The following PCDHA7 variants were observed in gnomAD, a reference collection of about 807,000 sequenced individuals.
The protein encoded by PCDHA7 is protocadherin alpha 7, also known as protocadherin alpha-7.
Under a neutral mutation model 57.2 loss-of-function variants are expected in PCDHA7, and 37 were observed. The observed-to-expected ratio is 0.65, with a 90% confidence interval of 0.50 to 0.85. PCDHA7 has a LOEUF of 0.85. Among genes scored for constraint, PCDHA7 ranks in the 40% least tolerant of loss-of-function variants. PCDHA7 has a pLI of 0.00. For missense variants in PCDHA7, 1,188 were observed against 1,241.8 expected, an observed-to-expected ratio of 0.96 and a Z score of 0.65; for synonymous variants, 553 against 558.8, an observed-to-expected ratio of 0.99 and a Z score of 0.15.
chr5:140,872,332 T>G (rs2053600467), intron 1 of PCDHA7, among the ~76,000 whole-genome samples: 1 of 152,172 alleles, frequency 6.6e-6, no homozygotes, highest in African/African-American at 2.4e-5. Context: ...ATGACTAAAA[T>G]TCTACATGTT....
chr5:140,981,042 C>A (rs782145088), intron 2 of PCDHA7, among the ~76,000 whole-genome samples: 22 of 151,970 alleles, frequency 1.4e-4, no homozygotes, highest in Non-Finnish European at 2.9e-4. Flanking sequence ...GGAAAAAAAA[C>A]AGATAATTCT....
At chr5:140,988,182 G>A (rs191995725) in intron 3 of PCDHA7, among the ~76,000 whole-genome samples, 79 of 152,240 alleles carry the variant, frequency 5.2e-4, no homozygotes, top group African/African-American at 1.5e-3. Flanking sequence ...ACAGTCCTGG[G>A]AGGTGTGTGC....
At chr5:140,880,643 A>G (rs937655917) in intron 1 of PCDHA7, among the ~76,000 whole-genome samples, 1 of 152,198 alleles carries the variant, frequency 6.6e-6, no homozygotes, top group African/African-American at 2.4e-5. Context: ...TTCACTTGAG[A>G]GCCCAACTGA....
chr5:140,865,458 GA>G (rs1462092731), intron 1 of PCDHA7: 4 of 152,192 alleles, frequency 2.6e-5, no homozygotes, highest in African/African-American at 9.6e-5. Flanking sequence ...TGATTTCTAT[GA>G]AGATAAACAT....
intron 1 of PCDHA7, chr5:140,843,642 C>G (rs1352929745): frequency 1.9e-6 from 3 of 1,595,362 alleles, no homozygotes; most frequent in Non-Finnish European, 2.6e-6. Context: ...GCCTTCAGCC[C>G]CTGCCTTCCT....
At chr5:140,938,727 G>GA (rs2092176789) in intron 1 of PCDHA7, among the ~76,000 whole-genome samples, 1 of 151,904 alleles carries the variant, frequency 6.6e-6, no homozygotes, top group South Asian at 2.1e-4. Flanking sequence ...CGTTTCTACA[G>GA]AAAAAAATAA....
rs1554134546 is a variant in PCDHA7 at position 140,834,830 on chromosome 5, C to T, written c.447C>T (p.Asp149=). ...TCATCGCGGAATCCAGGCCGCTTGACTCTCGGTTTCCACTAGAGGGCGCGT... is the reference window on the plus strand; with the variant it reads ...TCATCGCGGAATCCAGGCCGCTTGATTCTCGGTTTCCACTAGAGGGCGCGT... The part of the protein sequence containing the change: ...NLFIAESRPL[D]SRFPLEGASD... The change falls in exon 1 of 4, where the codon GAC becomes GAT. Residue 149 remains aspartate (D), a synonymous_variant. Transcript: ENST00000525929. The T allele has an allele frequency of 6.2e-7, 1 of 1,612,028 alleles. No individual in the cohort carries two copies. Among genetic ancestry groups the T allele is most frequent in the East Asian group, 2.2e-5 (1 of 44,804 alleles).
At chr5:140,850,428 C>T (rs2150483973) in intron 1 of PCDHA7, 1 of 1,597,938 alleles carries the variant, frequency 6.3e-7, no homozygotes, top group Admixed American at 1.7e-5. Context: ...CGCACCGCGC[C>T]AGCGCCTACT....
intron 1 of PCDHA7, among the ~76,000 whole-genome samples, chr5:140,886,827 G>GAAAAA (rs782016620): frequency 6.6e-5 from 4 of 60,918 alleles, no homozygotes; most frequent in African/African-American, 6.0e-5. Flanking sequence ...ACTTCGTCTT[G>GAAAAA]AAAAAAAAAA....
chr5:140,877,689 G>A (rs1554169989), intron 1 of PCDHA7: 2 of 1,613,914 alleles, frequency 1.2e-6, no homozygotes, highest in Non-Finnish European at 8.5e-7. Flanking sequence ...AGCCCACGCT[G>A]GTGTGCTCCA....
intron 3 of PCDHA7, among the ~76,000 whole-genome samples, chr5:141,007,680 C>G (rs1179621299): frequency 1.3e-5 from 2 of 152,148 alleles, no homozygotes; most frequent in African/African-American, 4.8e-5. Flanking sequence ...CAAAAGTTAT[C>G]CTACTTCCAC....
rs2150336569 is a variant in PCDHA7 at position 140,842,461 on chromosome 5, T to C, written c.2355+5723T>C. 48 of 1,613,688 alleles carry C rather than the reference T, an allele frequency of 3.0e-5. 1 individual carries two copies. Among genetic ancestry groups the C allele is most frequent in the Middle Eastern group, 3.3e-4 (2 of 6,082 alleles). On this transcript the variant is annotated intron_variant, in intron 1 of 3. Coordinates refer to ENST00000525929, the MANE Select transcript of PCDHA7 (RefSeq NM_018910.3). ...TTAGCGTGAACGACCTCGATTCAGG[T>C]GCCAACGGGCAGGTGACCTGCTCCC...
intron 1 of PCDHA7, chr5:140,877,144 G>A (rs543806401): frequency 1.9e-6 from 3 of 1,613,772 alleles, no homozygotes; most frequent in South Asian, 2.2e-5. Context: ...CGTGCTGGAC[G>A]AGAACGACAA....
chr5:140,967,828 C>T (rs2096188201), intron 1 of PCDHA7: 2 of 1,614,028 alleles, frequency 1.2e-6, no homozygotes, highest in Non-Finnish European at 1.7e-6. Flanking sequence ...TGCTGGTGGA[C>T]ATCGTGGACG....
rs1395413340 is a variant in PCDHA7 at position 140,844,044 on chromosome 5, A to G, written c.2355+7306A>G. ...GGGCATTTTGATCTTTGGTGAAAGT[A>G]TTCCCCCAAAGCGTTTATTCTTTTG... On this transcript the variant is annotated intron_variant, in intron 1 of 3. Coordinates refer to ENST00000525929, the MANE Select transcript of PCDHA7 (RefSeq NM_018910.3). 1.3e-5 allele frequency among the ~76,000 whole-genome samples: 2 copies of G among 149,664 alleles called. 1 individual carries two copies. The highest frequency in any genetic ancestry group is 4.9e-5 in the African/African-American group (2 of 40,852).
chr5:140,924,110 CAGTT>C (rs1462987261), intron 1 of PCDHA7, among the ~76,000 whole-genome samples: 2 of 152,206 alleles, frequency 1.3e-5, no homozygotes, highest in Non-Finnish European at 2.9e-5. Flanking sequence ...CATTCCAAAG[CAGTT>C]AGCTTGCTTA....
At chr5:140,847,483 T>C (rs1445193080) in intron 1 of PCDHA7, 2 of 149,968 alleles carry the variant, frequency 1.3e-5, no homozygotes, top group Non-Finnish European at 3.0e-5. Flanking sequence ...TGGAATAAGA[T>C]AGTAAAACTC....
At chr5:140,980,358 G>A (rs143597147) in intron 2 of PCDHA7, among the ~76,000 whole-genome samples, 260 of 152,274 alleles carry the variant, frequency 1.7e-3, no homozygotes, top group South Asian at 0.014. Context: ...TGGACTGGGC[G>A]CGGTGGCTCA....
chr5:140,983,118 A>G (rs1251873984), intron 3 of PCDHA7, among the ~76,000 whole-genome samples: 1 of 152,220 alleles, frequency 6.6e-6, no homozygotes, highest in African/African-American at 2.4e-5. Flanking sequence ...CATCAACAAC[A>G]TTCTGCAGAC....
Sources: gnomAD v4.1 joint callset for allele counts (sites outside exome capture counted in the v4.1 genomes callset) on GRCh38, gnomAD v4.1.1 for gene constraint, MANE v1.5 for transcripts, NCBI Gene and HGNC (gene_info 2026-07-23, HGNC 2026-07-21) for gene names.